The following SHPRH variants were observed in gnomAD, a reference collection of about 807,000 sequenced individuals.
SHPRH encodes the protein E3 ubiquitin-protein ligase SHPRH.
SHPRH carries 106 observed loss-of-function variants against 202.5 expected under a neutral mutation model. The ratio of observed to expected loss-of-function variants is 0.52; its 90% CI spans 0.45 to 0.62. The LOEUF (loss-of-function observed/expected upper bound fraction) is 0.62. Ranked by LOEUF, SHPRH falls within the 20% of genes least tolerant of loss-of-function variation. The pLI, the probability that SHPRH is intolerant of heterozygous loss-of-function variation, is 0.00. For synonymous variants in SHPRH, 729 were observed against 686.0 expected (o/e 1.06, Z -0.98); for missense variants, 1,710 against 2,020.0 (o/e 0.85, Z 2.94).
At chr6:145,867,969 G>T (rs975398449) in intron 2 of SHPRH, among the ~76,000 whole-genome samples, 1 of 152,118 alleles carries the variant, frequency 6.6e-6, no homozygotes, top group Non-Finnish European at 1.5e-5. Context: ...GCATTAGTTT[G>T]CTAGGGCTGC....
chr6:145,901,365 A>G (rs1225296827), intron 25 of SHPRH, among the ~76,000 whole-genome samples: 2 of 152,152 alleles, frequency 1.3e-5, no homozygotes, highest in African/African-American at 4.8e-5. Flanking sequence ...CAAATCTGCC[A>G]GCTTCTGAGA....
chr6:145,929,364 G>C (rs1785201920), intron 14 of SHPRH, among the ~76,000 whole-genome samples: 1 of 151,892 alleles, frequency 6.6e-6, no homozygotes, highest in Non-Finnish European at 1.5e-5. Context: ...ACCAGTCAAG[G>C]AGAATCTCAG....
rs771016256 is a variant in SHPRH at position 145,946,157 on chromosome 6, A to G, written c.1321+76T>C. The G allele has an allele frequency of 1.7e-5, 17 of 1,024,444 alleles. No individual in the cohort carries two copies. In the African/African-American group the frequency reaches 1.8e-4, roughly 11 times the overall value. 63.5% of individuals were successfully genotyped at this position (1,024,444 alleles called of 1,614,324 possible). On this transcript the variant is annotated intron_variant, in intron 7 of 29. Transcript: ENST00000275233. ...AACAATTGTTTATAACAATTACAAG[A>G]TATCTCTAAGGATTGCAAGAACTCT...
chr6:145,961,915 T>A (rs571154892), intron 1 of SHPRH, among the ~76,000 whole-genome samples: 1 of 152,250 alleles, frequency 6.6e-6, no homozygotes. Context: ...AATATACTTA[T>A]GACTAAAATG....
downstream of SHPRH, chr6:145,883,283 C>T (rs1780721052): frequency 2.6e-5 from 4 of 152,162 alleles, no homozygotes; most frequent in South Asian, 8.3e-4. Context: ...TTGAGAGTCA[C>T]TGACATTAAA....
intron 16 of SHPRH, among the ~76,000 whole-genome samples, chr6:145,925,382 AAAAT>A (rs1296627389): frequency 7.3e-6 from 1 of 136,082 alleles, no homozygotes; most frequent in Non-Finnish European, 1.7e-5. Flanking sequence ...GCATGCAATA[AAAAT>A]AAAGAGGTAA....
intron 25 of SHPRH, chr6:145,904,304 G>T (rs2128727612): frequency 6.6e-6 from 1 of 151,892 alleles, no homozygotes; most frequent in Admixed American, 6.6e-5. Flanking sequence ...AAAATTACTT[G>T]TCAGTATTGC....
At chr6:145,883,393 G>A (rs895101239), downstream of SHPRH, 4 of 152,228 alleles carry the variant, frequency 2.6e-5, no homozygotes, top group Admixed American at 1.3e-4. Flanking sequence ...GGCTGGAGAT[G>A]GCAACTTTGG....
chr6:145,860,067 C>A (rs1562264050), downstream of SHPRH, among the ~76,000 whole-genome samples: 1 of 152,014 alleles, frequency 6.6e-6, no homozygotes, highest in African/African-American at 2.4e-5. Context: ...GTATTTCTTA[C>A]AACTATCATA....
rs1284283820 is a variant in SHPRH, at chr6:145,924,791, G to A, written c.3350C>T (p.Ala1117Val). The stretch of plus-strand genomic sequence containing the variant: ...CTGCACAGGATATAAAGCTTGCTGG[G>A]CTTCAGCAACTTCTGTATTACACTT... ...MSKCNTEVAE[A>V]QQALYPVQQT... The change falls in exon 17 of 30, where the codon GCC becomes GTC. Residue 1117 changes from alanine to valine, a missense_variant. Physicochemically the swap from Ala to Val is moderately conservative, Grantham distance 64. Coordinates refer to ENST00000275233, the MANE Select transcript of SHPRH (RefSeq NM_001042683.3). 1 of 1,611,868 alleles carries A rather than the reference G, an allele frequency of 6.2e-7. No homozygotes were observed. Among genetic ancestry groups the A allele is most frequent in the Admixed American group, 1.7e-5 (1 of 59,832 alleles).
chr6:145,895,702 G>A (rs1403536205), intron 25 of SHPRH, among the ~76,000 whole-genome samples: 1 of 152,004 alleles, frequency 6.6e-6, no homozygotes, highest in Non-Finnish European at 1.5e-5. Context: ...GAGATGGTAT[G>A]ACAGAGAAAT....
intron 14 of SHPRH, 52 bp downstream of exon 14, chr6:145,933,005 C>A (rs767587315): frequency 5.2e-6 from 8 of 1,525,038 alleles, no homozygotes; most frequent in South Asian, 1.2e-5. Context: ...CTATAATTAA[C>A]CTTCCTCAGG....
chr6:145,869,223 A>G (rs1554220540), intron 2 of SHPRH, among the ~76,000 whole-genome samples: 1 of 152,182 alleles, frequency 6.6e-6, no homozygotes, highest in Non-Finnish European at 1.5e-5. Flanking sequence ...AGCTTTAAGT[A>G]TTTTTATGTA....
chr6:145,946,203 G>A (rs1383598195), intron 7 of SHPRH, 30 bp downstream of exon 7: 2 of 1,515,260 alleles, frequency 1.3e-6, no homozygotes, highest in South Asian at 2.3e-5. Context: ...ACTATAAGAA[G>A]GTATTTCCTT....
chr6:145,913,920 A>G (rs188640082), intron 23 of SHPRH, among the ~76,000 whole-genome samples: 46 of 152,292 alleles, frequency 3.0e-4, no homozygotes, highest in African/African-American at 9.4e-4. Flanking sequence ...GCATTTAAAC[A>G]AATTGAACCA....
intron 23 of SHPRH, 124 bp downstream of exon 23, chr6:145,918,007 G>A: frequency 1.6e-6 from 1 of 618,018 alleles, no homozygotes; most frequent in East Asian, 3.0e-5. Flanking sequence ...CATAGGTAGT[G>A]TTCTGACTCA....
chr6:145,944,477 C>A (rs1787147514), intron 8 of SHPRH, among the ~76,000 whole-genome samples: 1 of 148,288 alleles, frequency 6.7e-6, no homozygotes, highest in African/African-American at 2.4e-5. Flanking sequence ...GGGACAGCTT[C>A]CTCCAAGGCA....
rs1785909597 is a variant in SHPRH, at chr6:145,934,918, T to C, written c.2979A>G (p.Pro993=). The C allele has an allele frequency of 1.3e-6, 2 of 1,584,036 alleles. No homozygotes were observed. The highest frequency in any genetic ancestry group is 1.1e-5 in the South Asian group (1 of 87,028). Residue 993 remains proline, a synonymous_variant, in exon 13 of 30, where the codon CCA becomes CCG. Coordinates refer to ENST00000275233, the MANE Select transcript of SHPRH (RefSeq NM_001042683.3). ...HPQAVRGEFL[P]LQKSTMTMEE... is the part of the protein sequence containing the mutation. ...GTTGATAATAAAACCTTTTTTGGAG[T>C]GGCAAGAACTCTCCACGAACAGCCT...
intron 9 of SHPRH, 45 bp from the exon 10 acceptor site, chr6:145,941,919 A>G (rs1188680029): frequency 3.1e-6 from 5 of 1,593,672 alleles, no homozygotes; most frequent in Non-Finnish European, 4.3e-6. Flanking sequence ...AAGGCTCACT[A>G]AAGGCAATGA....
Sources: gnomAD v4.1 joint callset for allele counts (sites outside exome capture counted in the v4.1 genomes callset) on GRCh38, gnomAD v4.1.1 for gene constraint, MANE v1.5 for transcripts, NCBI Gene and HGNC (gene_info 2026-07-23, HGNC 2026-07-21) for gene names.